The following STARD13 variants were observed in gnomAD, a reference collection of about 807,000 sequenced individuals.
STARD13 encodes StAR related lipid transfer domain containing 13, also known as stAR-related lipid transfer protein 13.
A neutral mutation model predicts 106.4 loss-of-function variants in STARD13; 62 were observed. That is an observed-to-expected ratio of 0.58 (90% confidence interval 0.48 to 0.72). STARD13 has a LOEUF of 0.72. Among genes scored for constraint, STARD13 ranks in the 30% least tolerant of loss-of-function variants. STARD13 has a pLI of 0.00. For synonymous variants in STARD13, 565 were observed against 553.0 expected (o/e 1.02, Z -0.31); for missense variants, 1,387 against 1,424.0 (o/e 0.97, Z 0.42).
downstream of STARD13, among the ~76,000 whole-genome samples, chr13:33,345,900 A>C (rs564253561): frequency 1.3e-5 from 2 of 152,258 alleles, no homozygotes; most frequent in East Asian, 3.9e-4. Flanking sequence ...AAGATTTCAG[A>C]TTTGACCTGG....
At chr13:33,650,461 A>C in the STARD13 span, among the ~76,000 whole-genome samples, 4 of 151,832 alleles carry the variant, frequency 2.6e-5, no homozygotes, top group African/African-American at 4.8e-5. Context: ...AAGTGCTGGG[A>C]TTACAGGCGT....
upstream of STARD13, among the ~76,000 whole-genome samples, chr13:33,354,423 T>A (rs964943610): frequency 3.9e-5 from 6 of 152,244 alleles, no homozygotes; most frequent in African/African-American, 1.4e-4. Context: ...TCCTCTTCCA[T>A]TGTGTTTCTT....
At chr13:33,326,265 A>G (rs1370842640) in intron 1 of STARD13, among the ~76,000 whole-genome samples, 2 of 152,192 alleles carry the variant, frequency 1.3e-5, no homozygotes, top group Non-Finnish European at 2.9e-5. Flanking sequence ...ATGCTAGGAA[A>G]GCCCTAAAGA....
intron 1 of STARD13, chr13:33,280,283 G>A (rs1053538187): frequency 6.6e-6 from 1 of 152,144 alleles, no homozygotes; most frequent in African/African-American, 2.4e-5. Flanking sequence ...CATGCCCACT[G>A]GCATTCTCTG....
At chr13:33,525,794 G>T in the STARD13 span, among the ~76,000 whole-genome samples, 26 of 152,132 alleles carry the variant, frequency 1.7e-4, no homozygotes, top group Non-Finnish European at 3.1e-4. Context: ...ATTATCAGAG[G>T]TTGTTTTTGG....
the STARD13 span, among the ~76,000 whole-genome samples, chr13:33,591,123 G>A: frequency 6.6e-6 from 1 of 152,182 alleles, no homozygotes. Flanking sequence ...CCTTACCCAC[G>A]CAAGAGCTGC....
chr13:33,222,563 A>G (rs1888414882), intron 1 of STARD13, among the ~76,000 whole-genome samples: 2 of 152,228 alleles, frequency 1.3e-5, no homozygotes, highest in African/African-American at 4.8e-5. Flanking sequence ...AACCTGTGCA[A>G]TCTACATAAG....
the STARD13 span, among the ~76,000 whole-genome samples, chr13:33,564,224 AAAAG>A: frequency 1.4e-5 from 2 of 144,700 alleles, no homozygotes; most frequent in African/African-American, 2.6e-5. Flanking sequence ...AAAAAAAAAA[AAAAG>A]AAAAGATCTG....
chr13:33,540,127 T>C, the STARD13 span, among the ~76,000 whole-genome samples: 4 of 152,216 alleles, frequency 2.6e-5, no homozygotes, highest in Non-Finnish European at 4.4e-5. Flanking sequence ...TCAGGGGAAA[T>C]GTTCCAAGAA....
the STARD13 span, among the ~76,000 whole-genome samples, chr13:33,543,665 C>T: frequency 1.6e-4 from 24 of 152,266 alleles, no homozygotes; most frequent in East Asian, 4.4e-3. Context: ...CTGGAGCATG[C>T]ATCCAGATTC....
chr13:33,228,340 T>C (rs1888725755), intron 1 of STARD13, among the ~76,000 whole-genome samples: 1 of 152,218 alleles, frequency 6.6e-6, no homozygotes, highest in African/African-American at 2.4e-5. Flanking sequence ...ACATTCATAC[T>C]GATTGTTTCT....
chr13:33,228,437 A>C (rs1181949876), intron 1 of STARD13, among the ~76,000 whole-genome samples: 3 of 149,418 alleles, frequency 2.0e-5, no homozygotes, highest in Non-Finnish European at 4.5e-5. Context: ...GTTCATTTAC[A>C]GTGTTTTTTT....
At chr13:33,168,673 A>G (rs1247547724) in intron 1 of STARD13, among the ~76,000 whole-genome samples, 1 of 152,126 alleles carries the variant, frequency 6.6e-6, no homozygotes, top group East Asian at 1.9e-4. Context: ...ATTTTTCCCC[A>G]TAGCCAAAGC....
At chr13:33,110,162 TTAGTTTTGC>T (rs1268567069) in intron 11 of STARD13, 72 bp from the exon 12 acceptor site, 3 of 1,392,814 alleles carry the variant, frequency 2.2e-6, no homozygotes, top group Non-Finnish European at 3.0e-6. Flanking sequence ...GTTTGGGCTT[TTAGTTTTGC>T]TATCATACCT....
the STARD13 span, among the ~76,000 whole-genome samples, chr13:33,499,660 T>TCTTCTC: frequency 7.0e-6 from 1 of 143,770 alleles, no homozygotes; most frequent in Non-Finnish European, 1.5e-5. Flanking sequence ...TTCTTCTTCT[T>TCTTCTC]CTTCCTCGTC....
At chr13:33,635,681 C>A in the STARD13 span, among the ~76,000 whole-genome samples, 6 of 149,280 alleles carry the variant, frequency 4.0e-5, no homozygotes, top group African/African-American at 7.4e-5. Context: ...AACAAACAAA[C>A]AAAAAAAACA....
intron 1 of STARD13, among the ~76,000 whole-genome samples, chr13:33,262,916 C>A (rs746779441): frequency 6.6e-6 from 1 of 152,126 alleles, no homozygotes; most frequent in Non-Finnish European, 1.5e-5. Flanking sequence ...AGAATACCCA[C>A]TCCCCACTCC....
chr13:33,371,279 T>C, the STARD13 span, among the ~76,000 whole-genome samples: 1 of 152,196 alleles, frequency 6.6e-6, no homozygotes. Context: ...CTATGTCCTT[T>C]CTGAAAAACC....
At chr13:33,200,701 A>G (rs537246504) in intron 1 of STARD13, among the ~76,000 whole-genome samples, 1 of 152,326 alleles carries the variant, frequency 6.6e-6, no homozygotes, top group South Asian at 2.1e-4. Context: ...TTGCACATGG[A>G]ACACAACTGA....
Sources: allele counts gnomAD v4.1 joint callset (sites outside exome capture counted in the v4.1 genomes callset), GRCh38; gene constraint gnomAD v4.1.1; transcripts MANE v1.5; gene names NCBI Gene and HGNC (gene_info 2026-07-23, HGNC 2026-07-21).